Variants in IMPG1 observed in about 807,000 individuals in gnomAD.
IMPG1 encodes the protein interphotoreceptor matrix proteoglycan 1.
IMPG1 carries 85 observed loss-of-function variants against 92.0 expected under a neutral mutation model. The observed-to-expected ratio is 0.92, with a 90% CI of 0.78 to 1.11. The LOEUF is 1.11. IMPG1 is among the 50% of genes least tolerant of loss of function. The pLI, the probability that IMPG1 is intolerant of heterozygous loss-of-function variation, is 0.00. For synonymous variants in IMPG1, 367 were observed against 334.1 expected, an observed-to-expected ratio of 1.10 and a Z score of -1.08; for missense variants, 1,022 against 956.0, an observed-to-expected ratio of 1.07 and a Z score of -0.91.
Position 76,069,745 on chromosome 6 carries a change from C to CA in IMPG1, c.67+2676dup, listed in dbSNP as rs59771309. On this transcript the variant is annotated intron_variant, in intron 1 of 16. Transcript: ENST00000369950. Reference sequence around the variant, plus strand: ...ACCTAGGTGCCCATCATTGGTTGATCAAAAAAAAAAAAATGTGGTATATAT... The same window carrying CA: ...ACCTAGGTGCCCATCATTGGTTGATCAAAAAAAAAAAAAATGTGGTATATAT... 7.2e-3 allele frequency among the ~76,000 whole-genome samples: 1,059 copies of CA among 147,952 alleles called. 6 individuals carry two copies. The highest frequency in any genetic ancestry group is 0.01 in the Non-Finnish European group (698 of 66,624).
At chr6:75,997,629 C>A (rs556679954) in intron 12 of IMPG1, among the ~76,000 whole-genome samples, 2 of 152,100 alleles carry the variant, frequency 1.3e-5, no homozygotes, top group African/African-American at 4.8e-5. Flanking sequence ...GCGTGGGTAC[C>A]AGCACAGGGA....
At position 76,018,862 on chromosome 6, in the gene IMPG1, AGTTT is replaced by A; in HGVS notation, c.667-8_667-5del. 1 of 1,554,804 alleles carries A rather than the reference AGTTT, an allele frequency of 6.4e-7. No homozygotes were observed. Among genetic ancestry groups the A allele is most frequent in the Admixed American group, 2.1e-5 (1 of 47,644 alleles). On this transcript the variant is annotated splice_polypyrimidine_tract_variant and splice_region_variant and intron_variant, in intron 6 of 16. Transcript: ENST00000369950. The stretch of plus-strand genomic sequence containing the variant: ...CAGCGAATTCTGTTTCTCTTTCCTG[AGTTT>A]AAAAAAAAAAAAAAGGACTTCTGTT...
chr6:75,967,178 A>T (rs76943011), intron 12 of IMPG1, among the ~76,000 whole-genome samples: 5 of 144,230 alleles, frequency 3.5e-5, no homozygotes, highest in Non-Finnish European at 6.0e-5. Context: ...GACTTCTTAT[A>T]AAAAAAAAAT....
chr6:76,059,910 C>A (rs1386453221), intron 1 of IMPG1, among the ~76,000 whole-genome samples: 7 of 152,128 alleles, frequency 4.6e-5, no homozygotes, highest in Non-Finnish European at 7.4e-5. Flanking sequence ...CATAGTTCAA[C>A]TTAATTAAAT....
rs556380273 is a variant in IMPG1, at chr6:75,973,094, C to T, written c.1292-22000G>A. Among the ~76,000 whole-genome samples the T allele has an allele frequency of 2.6e-5, 4 of 152,328 alleles. No individual in the cohort carries two copies. The South Asian group carries it at 8.3e-4, about 32-fold the overall frequency. ...TCGAGCTCGAGTGATCCTTCTGACT[C>T]AGTCTCTAGAGTGGCTGGAATTACG... On this transcript the variant is annotated intron_variant, in intron 12 of 16. Coordinates refer to ENST00000369950, the MANE Select transcript of IMPG1 (RefSeq NM_001563.4).
rs576889256 is a variant in IMPG1, at chr6:76,063,876, C to A, written c.67+8546G>T. ...GAGCACCCCTTTGCACAAAGGAACC[C>A]AGAGTGTGTGCTTTCTGGTGCTCAA... On this transcript the variant is annotated intron_variant, in intron 1 of 16. Coordinates refer to ENST00000369950, the MANE Select transcript of IMPG1 (RefSeq NM_001563.4). Among the ~76,000 whole-genome samples the A allele has an allele frequency of 2.0e-5, 3 of 152,274 alleles. No homozygotes were observed. The South Asian group carries it at 6.2e-4, about 32-fold the overall frequency.
chr6:75,995,495 A>C (rs1582092537), intron 12 of IMPG1, among the ~76,000 whole-genome samples: 1 of 152,158 alleles, frequency 6.6e-6, no homozygotes, highest in Non-Finnish European at 1.5e-5. Flanking sequence ...CCCTCTGCTG[A>C]AAATACCCTT....
At chr6:75,978,362 G>A (rs1463342374) in intron 12 of IMPG1, among the ~76,000 whole-genome samples, 1 of 151,958 alleles carries the variant, frequency 6.6e-6, no homozygotes, top group Non-Finnish European at 1.5e-5. Flanking sequence ...CTTTTAATAA[G>A]TTCCAGCACA....
At chr6:76,062,271 G>A (rs904678840) in intron 1 of IMPG1, among the ~76,000 whole-genome samples, 4 of 152,076 alleles carry the variant, frequency 2.6e-5, no homozygotes, top group South Asian at 2.1e-4. Context: ...AATGTTATTT[G>A]CCATAACAAA....
rs911937217 is a variant in IMPG1 at position 76,018,702 on chromosome 6, G to T, written c.807+16C>A. The T allele has an allele frequency of 4.3e-6, 7 of 1,610,664 alleles. No individual in the cohort carries two copies. In the African/African-American group the frequency reaches 8.0e-5, roughly 18 times the overall value. On this transcript the variant is annotated intron_variant, in intron 7 of 16. Coordinates refer to ENST00000369950, the MANE Select transcript of IMPG1 (RefSeq NM_001563.4). The stretch of plus-strand genomic sequence containing the variant: ...TCACAGCTTGAGGTGTGGTTGTATG[G>T]GCCGGGTCTACTCACCTGAAGTTGG...
intron 7 of IMPG1, among the ~76,000 whole-genome samples, chr6:76,014,042 G>A (rs921162146): frequency 1.1e-4 from 17 of 152,168 alleles, no homozygotes; most frequent in African/African-American, 3.9e-4. Flanking sequence ...TGTACGGGAT[G>A]GGGTTTAAAT....
chr6:76,071,286 A>G (rs1424636963), intron 1 of IMPG1, among the ~76,000 whole-genome samples: 1 of 150,486 alleles, frequency 6.6e-6, no homozygotes, highest in Non-Finnish European at 1.5e-5. Context: ...AAAATTTAAC[A>G]CAGCTGAATT....
intron 11 of IMPG1, 152 bp from the exon 12 acceptor site, chr6:76,003,148 GA>G (rs1783029983): frequency 1.6e-6 from 1 of 633,972 alleles, no homozygotes; most frequent in African/African-American, 1.8e-5. Flanking sequence ...TTCTGATATA[GA>G]AATATGTTCT....
intron 4 of IMPG1, among the ~76,000 whole-genome samples, chr6:76,030,412 T>A (rs1217089466): frequency 6.6e-6 from 1 of 152,144 alleles, no homozygotes; most frequent in Admixed American, 6.5e-5. Context: ...TAGCCATTCA[T>A]CTTCAGTCTG....
chr6:76,029,523 G>A (rs1299350733), intron 4 of IMPG1, among the ~76,000 whole-genome samples: 1 of 152,156 alleles, frequency 6.6e-6, no homozygotes, highest in Non-Finnish European at 1.5e-5. Flanking sequence ...AAACTCATTA[G>A]TTGTTTTTAA....
chr6:75,925,248 AGTT>A (rs1369786412), intron 15 of IMPG1, among the ~76,000 whole-genome samples: 2 of 106,450 alleles, frequency 1.9e-5, no homozygotes, highest in African/African-American at 6.3e-5. Flanking sequence ...ATTGTGTGTC[AGTT>A]AAATTTTTTT....
At chr6:76,064,303 G>A (rs2794289) in intron 1 of IMPG1, among the ~76,000 whole-genome samples, 81,032 of 150,956 alleles carry the variant, frequency 0.54, 23,035 homozygotes, top group South Asian at 0.65. Flanking sequence ...CATAGAACAG[G>A]GCTGAGGGAG....
rs571965515 is a variant in IMPG1, at chr6:75,925,182, A to C, written c.2244-1476T>G. 2.6e-5 allele frequency among the ~76,000 whole-genome samples: 4 copies of C among 152,262 alleles called. No individual in the cohort carries two copies. The East Asian group carries it at 7.7e-4, about 29-fold the overall frequency. On this transcript the variant is annotated intron_variant, in intron 15 of 16. Coordinates refer to ENST00000369950, the MANE Select transcript of IMPG1 (RefSeq NM_001563.4). ...GAATGCTAATTACCCTGATTTGATC[A>C]TTGCACAATGTATACATGTATTGAA...
At chr6:76,020,557 G>A (rs1319773763) in intron 6 of IMPG1, among the ~76,000 whole-genome samples, 2 of 152,130 alleles carry the variant, frequency 1.3e-5, no homozygotes, top group Non-Finnish European at 1.5e-5. Context: ...AGGGTTAGAG[G>A]AGTCACCTCT....
Sources: allele counts gnomAD v4.1 joint callset (sites outside exome capture counted in the v4.1 genomes callset), GRCh38; gene constraint gnomAD v4.1.1; transcripts MANE v1.5; gene names NCBI Gene and HGNC (gene_info 2026-07-23, HGNC 2026-07-21).